The following PARP8 variants were observed in gnomAD, a reference collection of about 807,000 sequenced individuals.
PARP8 encodes the protein poly(ADP-ribose) polymerase family member 8, also known as protein mono-ADP-ribosyltransferase PARP8.
Under a neutral mutation model 124.1 loss-of-function variants are expected in PARP8, and 51 were observed. The ratio of observed to expected loss-of-function variants is 0.41; its 90% CI spans 0.33 to 0.52. PARP8 has a LOEUF of 0.52. Among genes scored for constraint, PARP8 ranks in the 20% least tolerant of loss-of-function variants. The probability of loss-of-function intolerance (pLI) is 0.21; values close to 1 mark genes in which losing one functional copy is unlikely to be tolerated. For missense variants in PARP8, 860 were observed against 1,018.9 expected (o/e 0.84, Z 2.12); for synonymous variants, 391 against 361.5 (o/e 1.08, Z -0.93).
intron 2 of PARP8, among the ~76,000 whole-genome samples, chr5:50,732,902 G>A (rs1439176545): frequency 4.6e-5 from 7 of 151,826 alleles, no homozygotes; most frequent in African/African-American, 1.2e-4. Flanking sequence ...ACAGGTGTGA[G>A]CCACCGCGAC....
intron 1 of PARP8, 26 bp from the exon 2 acceptor site, chr5:50,668,045 G>A: frequency 6.2e-7 from 1 of 1,612,038 alleles, no homozygotes; most frequent in Admixed American, 1.7e-5. Context: ...TCCAGGGGTA[G>A]CTTTTGACGG....
At chr5:50,672,385 A>G (rs1171002083) in intron 2 of PARP8, among the ~76,000 whole-genome samples, 2 of 152,208 alleles carry the variant, frequency 1.3e-5, no homozygotes, top group African/African-American at 4.8e-5. Context: ...TTACAAAATG[A>G]ATGCTAAAAG....
At chr5:50,720,388 T>G (rs879784962) in intron 2 of PARP8, among the ~76,000 whole-genome samples, 45 of 152,068 alleles carry the variant, frequency 3.0e-4, no homozygotes, top group Non-Finnish European at 5.7e-4. Flanking sequence ...CCTTCTGCTT[T>G]AGGTCTTTCA....
In PARP8 at chr5:50,784,661, A is replaced by T. The variant is rs572825269; in HGVS notation, c.671-3862A>T. ...TTTGACCTTTTTTAAGAACATGAAAATATATCACTAGTACTTTCTGTCAAG... is the reference window on the plus strand; with the variant it reads ...TTTGACCTTTTTTAAGAACATGAAATTATATCACTAGTACTTTCTGTCAAG... On this transcript the variant is annotated intron_variant, in intron 9 of 25. Transcript: ENST00000281631. Among the ~76,000 whole-genome samples, 3 of 152,264 alleles carry T rather than the reference A, an allele frequency of 2.0e-5. No homozygotes were observed. In the East Asian group the frequency reaches 5.8e-4, roughly 29 times the overall value.
intron 2 of PARP8, among the ~76,000 whole-genome samples, chr5:50,688,065 T>G (rs773640971): frequency 2.6e-5 from 4 of 152,136 alleles, no homozygotes; most frequent in Non-Finnish European, 5.9e-5. Flanking sequence ...CCCAGGCTTG[T>G]CTGGAAGTTC....
chr5:50,707,738 C>G (rs1266764278), intron 2 of PARP8, among the ~76,000 whole-genome samples: 3 of 151,672 alleles, frequency 2.0e-5, no homozygotes, highest in African/African-American at 7.3e-5. Context: ...GGGAGTTAGG[C>G]AAAAATTTAT....
chr5:50,737,843 A>C (rs553077623), intron 2 of PARP8, among the ~76,000 whole-genome samples: 68 of 152,336 alleles, frequency 4.5e-4, no homozygotes, highest in African/African-American at 1.5e-3. Context: ...TTAGTTACAT[A>C]TTCATTGGCT....
chr5:50,784,386 CTT>C (rs1275410009), intron 9 of PARP8, among the ~76,000 whole-genome samples: 2 of 152,036 alleles, frequency 1.3e-5, no homozygotes, highest in African/African-American at 4.8e-5. Flanking sequence ...TAATTTGTCT[CTT>C]TTATGATAAT....
intron 3 of PARP8, among the ~76,000 whole-genome samples, chr5:50,756,221 G>A (rs572188330): frequency 6.6e-4 from 101 of 152,140 alleles, no homozygotes; most frequent in African/African-American, 2.4e-3. Flanking sequence ...ACACTATGTT[G>A]AATAGGAGTG....
intron 2 of PARP8, among the ~76,000 whole-genome samples, chr5:50,678,053 GA>G (rs1750841141): frequency 6.6e-6 from 1 of 152,074 alleles, no homozygotes; most frequent in Non-Finnish European, 1.5e-5. Context: ...TATGGTTTTA[GA>G]ATGTAGATAA....
At chr5:50,841,699 A>G (rs1220190816) in intron 25 of PARP8, among the ~76,000 whole-genome samples, 1 of 151,612 alleles carries the variant, frequency 6.6e-6, no homozygotes, top group African/African-American at 2.4e-5. Context: ...GGCCAAAGAC[A>G]CTGAGAAGCT....
At chr5:50,774,393 C>A (rs1761942939) in intron 7 of PARP8, among the ~76,000 whole-genome samples, 1 of 152,210 alleles carries the variant, frequency 6.6e-6, no homozygotes, top group Admixed American at 6.5e-5. Context: ...GCTGTCACTT[C>A]ACACTTGGAA....
chr5:50,785,047 T>G (rs1252593043), intron 9 of PARP8, among the ~76,000 whole-genome samples: 66 of 151,896 alleles, frequency 4.3e-4, no homozygotes, highest in Non-Finnish European at 6.3e-4. Context: ...TTAATTACAT[T>G]TATTTTAATA....
At chr5:50,667,522 G>C (rs1321774482) in intron 1 of PARP8, 1 of 700,158 alleles carries the variant, frequency 1.4e-6, no homozygotes, top group East Asian at 2.7e-5. Context: ...TTCCAGCAGC[G>C]GCGGCAGAGC....
intron 10 of PARP8, among the ~76,000 whole-genome samples, chr5:50,792,286 C>CA (rs1742048549): frequency 6.6e-6 from 1 of 152,078 alleles, no homozygotes; most frequent in South Asian, 2.1e-4. Context: ...CAAATGTGTT[C>CA]ATATGTATAC....
chr5:50,696,485 A>G (rs1311589258), intron 2 of PARP8, among the ~76,000 whole-genome samples: 2 of 152,212 alleles, frequency 1.3e-5, no homozygotes, highest in African/African-American at 2.4e-5. Context: ...TAAGGCAGCC[A>G]TAATTATATT....
chr5:50,815,235 A>T (rs1381651256), intron 14 of PARP8, among the ~76,000 whole-genome samples, 197 bp from the exon 15 acceptor site: 4 of 151,998 alleles, frequency 2.6e-5, no homozygotes, highest in Admixed American at 6.6e-5. Flanking sequence ...AATATTTTTT[A>T]CTCTATATTA....
At chr5:50,826,242 A>T (rs1299363313) in intron 18 of PARP8, among the ~76,000 whole-genome samples, 2 of 151,798 alleles carry the variant, frequency 1.3e-5, no homozygotes, top group East Asian at 3.9e-4. Flanking sequence ...CTTCAATTTA[A>T]TTTTTTTCAA....
At position 50,731,742 on chromosome 5, in the gene PARP8, A is replaced by G. The variant is rs1054244883; in HGVS notation, c.147-18409A>G. On this transcript the variant is annotated intron_variant, in intron 2 of 25. Coordinates refer to ENST00000281631, the MANE Select transcript of PARP8 (RefSeq NM_024615.4). ...AGTCTCATGAGTAATCTTCTTAGGT[A>G]TTAAAACTTGAAATATATAGGTTGG... Among the ~76,000 whole-genome samples, 25 of 152,178 alleles carry G rather than the reference A, an allele frequency of 1.6e-4. 1 individual carries two copies. Among genetic ancestry groups the G allele is most frequent in the Admixed American group, 2.0e-4 (3 of 15,280 alleles).
Sources: gnomAD v4.1 joint callset for allele counts (sites outside exome capture counted in the v4.1 genomes callset) on GRCh38, gnomAD v4.1.1 for gene constraint, MANE v1.5 for transcripts, NCBI Gene and HGNC (gene_info 2026-07-23, HGNC 2026-07-21) for gene names.